NRG3: variants seen among roughly 807,000 people sequenced by gnomAD.
The protein encoded by NRG3 is pro-neuregulin-3, membrane-bound isoform.
Under a neutral mutation model 66.9 loss-of-function variants are expected in NRG3, and 31 were observed. The observed-to-expected ratio is 0.46, with a 90% confidence interval of 0.35 to 0.63. The LOEUF is 0.63. Among genes scored for constraint, NRG3 ranks in the 20% least tolerant of loss-of-function variants. NRG3 has a pLI of 0.00. For missense variants in NRG3, 910 were observed against 878.9 expected, an observed-to-expected ratio of 1.04 and a Z score of -0.45; for synonymous variants, 393 against 359.4, an observed-to-expected ratio of 1.09 and a Z score of -1.06.
intron 2 of NRG3, among the ~76,000 whole-genome samples, chr10:82,635,414 T>C (rs937693958): frequency 3.9e-5 from 6 of 152,166 alleles, no homozygotes; most frequent in Non-Finnish European, 5.9e-5. Context: ...TAAGAATACA[T>C]GCCCATGATG....
intron 3 of NRG3, among the ~76,000 whole-genome samples, chr10:82,836,715 TTTTTTA>T (rs1389114919): frequency 6.6e-6 from 1 of 151,702 alleles, no homozygotes; most frequent in Non-Finnish European, 1.5e-5. Flanking sequence ...TTTATTTTAT[TTTTTTA>T]TTTTTATTTT....
chr10:82,068,542 G>T (rs146420762), intron 1 of NRG3, among the ~76,000 whole-genome samples: 1 of 152,312 alleles, frequency 6.6e-6, no homozygotes, highest in Non-Finnish European at 1.5e-5. Context: ...AAGGTAAGCT[G>T]TGATACTGCT....
At chr10:82,032,429 A>G (rs963632043) in intron 1 of NRG3, among the ~76,000 whole-genome samples, 3 of 151,954 alleles carry the variant, frequency 2.0e-5, no homozygotes, top group Admixed American at 6.6e-5. Context: ...ATGCTGCTTC[A>G]GTTAACAATG....
At chr10:82,293,647 G>A (rs1487318005) in intron 1 of NRG3, among the ~76,000 whole-genome samples, 1 of 151,938 alleles carries the variant, frequency 6.6e-6, no homozygotes, top group Admixed American at 6.6e-5. Context: ...TGATTGTTCA[G>A]GCATGACCAA....
intron 6 of NRG3, among the ~76,000 whole-genome samples, chr10:82,961,478 AGGTATG>A (rs1850634215): frequency 1.3e-5 from 2 of 152,226 alleles, no homozygotes; most frequent in Admixed American, 1.3e-4. Flanking sequence ...AGCTTGAGAA[AGGTATG>A]TCTGTCAGAC....
At chr10:82,213,736 A>G (rs942936670) in intron 1 of NRG3, among the ~76,000 whole-genome samples, 1 of 152,250 alleles carries the variant, frequency 6.6e-6, no homozygotes, top group African/African-American at 2.4e-5. Flanking sequence ...GAGCAAAAAC[A>G]TTAATTAATT....
At chr10:82,649,386 A>G (rs2051224908) in intron 2 of NRG3, among the ~76,000 whole-genome samples, 1 of 151,038 alleles carries the variant, frequency 6.6e-6, no homozygotes, top group South Asian at 2.1e-4. Context: ...TTAGGGGCCT[A>G]TAAGCCTATC....
intron 1 of NRG3, among the ~76,000 whole-genome samples, chr10:82,073,150 A>C (rs2064900680): frequency 6.6e-6 from 1 of 152,088 alleles, no homozygotes; most frequent in Non-Finnish European, 1.5e-5. Context: ...CTTATGTGAA[A>C]TTTTGTTTTT....
At chr10:82,277,606 C>G (rs1037166942) in intron 1 of NRG3, among the ~76,000 whole-genome samples, 1 of 151,978 alleles carries the variant, frequency 6.6e-6, no homozygotes, top group Non-Finnish European at 1.5e-5. Flanking sequence ...ATGCCTCATT[C>G]CTTTCCTATC....
At position 82,201,413 on chromosome 10, in the gene NRG3, C is replaced by T. The variant is rs183838463; in HGVS notation, c.824-157326C>T. Among the ~76,000 whole-genome samples the T allele has an allele frequency of 1.4e-4, 21 of 152,150 alleles. No homozygotes were observed. The East Asian group carries it at 3.9e-3, about 28-fold the overall frequency. ...GGTTACATAGTGAGTTATCTGAAATCATTTCTGTCTCAAACTGTCCAGTCT... is the reference window on the plus strand; with the variant it reads ...GGTTACATAGTGAGTTATCTGAAATTATTTCTGTCTCAAACTGTCCAGTCT... On this transcript the variant is annotated intron_variant, in intron 1 of 8. Transcript: ENST00000372141.
intron 4 of NRG3, among the ~76,000 whole-genome samples, chr10:82,943,166 G>T (rs1013801748): frequency 2.0e-5 from 3 of 152,142 alleles, no homozygotes; most frequent in East Asian, 3.9e-4. Flanking sequence ...GGCGTTTTGT[G>T]CATCATTTAT....
chr10:82,942,370 T>G (rs1293937437), intron 4 of NRG3, among the ~76,000 whole-genome samples: 1 of 152,210 alleles, frequency 6.6e-6, no homozygotes, highest in Non-Finnish European at 1.5e-5. Flanking sequence ...TGGAGAGACT[T>G]TGAGAATTTT....
intron 2 of NRG3, among the ~76,000 whole-genome samples, chr10:82,635,848 G>T (rs188153477): frequency 2.0e-5 from 3 of 152,156 alleles, no homozygotes; most frequent in Admixed American, 6.6e-5. Context: ...AGTGGACTAG[G>T]CTTGGGCTTT....
At chr10:82,375,991 A>G (rs553489960) in intron 2 of NRG3, among the ~76,000 whole-genome samples, 1 of 152,174 alleles carries the variant, frequency 6.6e-6, no homozygotes, top group Non-Finnish European at 1.5e-5. Context: ...TGTGACTGTC[A>G]GGGGAAAGAC....
intron 1 of NRG3, among the ~76,000 whole-genome samples, chr10:82,332,117 C>G (rs545113490): frequency 4.6e-5 from 7 of 152,306 alleles, no homozygotes; most frequent in African/African-American, 1.7e-4. Flanking sequence ...GCCTTGAGTA[C>G]CAGAGAAGGA....
chr10:82,495,973 T>A (rs1431225453), intron 2 of NRG3, among the ~76,000 whole-genome samples: 1 of 152,186 alleles, frequency 6.6e-6, no homozygotes, highest in Non-Finnish European at 1.5e-5. Context: ...AATAAGATTT[T>A]ATTTTTCTTT....
At chr10:82,332,257 TGTCA>T (rs901153598) in intron 1 of NRG3, among the ~76,000 whole-genome samples, 1 of 152,232 alleles carries the variant, frequency 6.6e-6, no homozygotes, top group African/African-American at 2.4e-5. Context: ...TAAGACACTG[TGTCA>T]GTGTGTTTGG....
intron 1 of NRG3, among the ~76,000 whole-genome samples, chr10:82,297,702 CATATT>C (rs2080152598): frequency 2.6e-5 from 4 of 151,960 alleles, no homozygotes; most frequent in Middle Eastern, 3.4e-3. Context: ...GTTATTATAA[CATATT>C]ATAAATAATT....
intron 2 of NRG3, among the ~76,000 whole-genome samples, chr10:82,457,287 G>A (rs1185385207): frequency 2.0e-5 from 3 of 152,074 alleles, no homozygotes; most frequent in East Asian, 1.9e-4. Context: ...GGGAATAGGG[G>A]GAATACGGTT....
Sources: allele counts gnomAD v4.1 joint callset (sites outside exome capture counted in the v4.1 genomes callset), GRCh38; gene constraint gnomAD v4.1.1; transcripts MANE v1.5; gene names NCBI Gene and HGNC (gene_info 2026-07-23, HGNC 2026-07-21).